CASP5: variants seen among roughly 807,000 people sequenced by gnomAD.
CASP5 encodes caspase-5.
In CASP5, 42 loss-of-function variants were observed where a neutral mutation model predicts 45.2. The ratio of observed to expected loss-of-function variants is 0.93; its 90% CI spans 0.73 to 1.20. The LOEUF is 1.20. Among genes scored for constraint, CASP5 ranks in the 50% most tolerant of loss-of-function variants. CASP5 has a pLI of 0.00. For missense variants in CASP5, 512 were observed against 532.2 expected, an observed-to-expected ratio of 0.96 and a Z score of 0.37; for synonymous variants, 209 against 186.2, an observed-to-expected ratio of 1.12 and a Z score of -1.00.
intron 1 of CASP5, among the ~76,000 whole-genome samples, chr11:105,020,835 G>C (rs1355741007): frequency 6.6e-6 from 1 of 151,982 alleles, no homozygotes; most frequent in African/African-American, 2.4e-5. Flanking sequence ...AACCAAAAAA[G>C]AGCCCGCATT....
rs747142816 is a variant in CASP5 at position 105,008,874 on chromosome 11, G to A, written c.114C>T (p.Asn38=). The A allele has an allele frequency of 1.3e-5, 21 of 1,612,994 alleles. No individual in the cohort carries two copies. The highest frequency in any genetic ancestry group is 1.2e-4 in the Admixed American group (7 of 59,830). Residue 38 remains asparagine, a synonymous_variant, in exon 2 of 10, where the codon AAC becomes AAT. Coordinates refer to ENST00000260315, the MANE Select transcript of CASP5 (RefSeq NM_004347.5). ...NFVINHMLKN[N]VAGQTSIQTL... is the part of the protein sequence containing the mutation. ...TCTGGATAGATGTTTGTCCAGCCACGTTGTTCTTTAGCATGTGGTTTATCA... is the reference window on the plus strand; with the variant it reads ...TCTGGATAGATGTTTGTCCAGCCACATTGTTCTTTAGCATGTGGTTTATCA...
intron 3 of CASP5, 62 bp from the exon 4 acceptor site, chr11:105,003,445 A>C: frequency 1.2e-6 from 1 of 817,242 alleles, no homozygotes; most frequent in East Asian, 2.6e-5. Flanking sequence ...TTATCACCTA[A>C]GAACTTTGAG....
At chr11:105,012,758 A>G (rs528870358) in intron 1 of CASP5, among the ~76,000 whole-genome samples, 1,542 of 149,624 alleles carry the variant, frequency 0.01, 16 homozygotes, top group Admixed American at 0.016. Flanking sequence ...TAAAAAAAAA[A>G]GATAACAAGT....
At position 104,995,775 on chromosome 11, in the gene CASP5, G is replaced by C. The variant is rs763750862; in HGVS notation, c.1274C>G (p.Thr425Arg). The C allele has an allele frequency of 6.2e-7, 1 of 1,611,988 alleles. No homozygotes were observed. The change falls in exon 9 of 10, where the codon ACA becomes AGA. Residue 425 changes from threonine (T) to arginine (R), a missense_variant. Coordinates refer to ENST00000260315, the MANE Select transcript of CASP5 (RefSeq NM_004347.5). ...GCCAGGAAAGAGGTAGAAATCTCTT[G>C]TCAAGGTTGCTCGTTCTATGGTGGG... Reference protein sequence around the residue: ...QMPTIERATLTRDFYLFPGN With the variant: ...QMPTIERATLRRDFYLFPGN
chr11:105,000,439 G>T lies in CASP5; in HGVS notation c.774C>A (p.Asp258Glu), dbSNP rs752460179. 6.2e-7 allele frequency: 1 copy of T among 1,614,150 alleles called. No individual in the cohort carries two copies. Residue 258 changes from aspartate (D) to glutamate (E), a missense_variant, in exon 6 of 10, where the codon GAC (aspartate) becomes GAA (glutamate). By Grantham distance (45) the Asp-to-Glu change is conservative. Transcript: ENST00000260315. ...FAARPEHKSS[D>E]STFLVLMSHG... ...GAGACATGAGTACCAAGAACGTGCT[G>T]TCAGAGGACTTGTGCTCTGGTCTGG...
Position 105,008,884 on chromosome 11 carries a change from A to G in CASP5, c.104T>C (p.Leu35Pro), listed in dbSNP as rs1273561929. Reference sequence around the variant, plus strand: ...TGTTTGTCCAGCCACGTTGTTCTTTAGCATGTGGTTTATCACGAAGTTATC... The same window carrying G: ...TGTTTGTCCAGCCACGTTGTTCTTTGGCATGTGGTTTATCACGAAGTTATC... ...GLDNFVINHM[L>P]KNNVAGQTSI... The change falls in exon 2 of 10, where the codon CTA (leucine) becomes CCA (proline). Residue 35 changes from leucine to proline, a missense_variant. By Grantham distance (98) the Leu-to-Pro change is moderately conservative. Transcript: ENST00000260315. The G allele has an allele frequency of 6.2e-7, 1 of 1,613,114 alleles. No homozygotes were observed. Among genetic ancestry groups the G allele is most frequent in the African/African-American group, 1.3e-5 (1 of 74,874 alleles).
intron 3 of CASP5, among the ~76,000 whole-genome samples, chr11:105,004,446 A>G (rs1022186958): frequency 2.6e-5 from 4 of 152,284 alleles, no homozygotes; most frequent in East Asian, 3.9e-4. Flanking sequence ...CCTTCTGGAA[A>G]AGAAAAAGGA....
At chr11:105,012,904 A>T (rs1397834893) in intron 1 of CASP5, among the ~76,000 whole-genome samples, 3 of 151,994 alleles carry the variant, frequency 2.0e-5, no homozygotes, top group African/African-American at 4.8e-5. Context: ...GTTAAAAATG[A>T]TGTAGCAGCC....
At chr11:105,007,028 A>G in intron 3 of CASP5, 55 bp downstream of exon 3, 3 of 1,441,552 alleles carry the variant, frequency 2.1e-6, no homozygotes, top group African/African-American at 1.4e-5. Flanking sequence ...TGGGCCTTGG[A>G]GTTGAATATA....
intron 1 of CASP5, among the ~76,000 whole-genome samples, chr11:105,009,758 T>TATATATATATATATACAC (rs1555079440): frequency 6.6e-5 from 6 of 90,276 alleles, no homozygotes; most frequent in South Asian, 6.6e-4. Context: ...TATATATATA[T>TATATATATATATATACAC]ACACACACAC....
intron 1 of CASP5, among the ~76,000 whole-genome samples, chr11:105,018,854 T>C (rs1379065405): frequency 1.6e-4 from 23 of 144,792 alleles, no homozygotes; most frequent in East Asian, 7.9e-4. Flanking sequence ...GAATATACAT[T>C]TTTTTCAGCA....
At chr11:104,998,708 G>A (rs1861582708) in intron 7 of CASP5, among the ~76,000 whole-genome samples, 177 bp downstream of exon 7, 1 of 152,114 alleles carries the variant, frequency 6.6e-6, no homozygotes, top group African/African-American at 2.4e-5. Flanking sequence ...TAAAATGTGT[G>A]TGTGGGAGGG....
chr11:105,009,823 A>G, intron 1 of CASP5, among the ~76,000 whole-genome samples: 1 of 96,956 alleles, frequency 1.0e-5, no homozygotes, highest in Non-Finnish European at 1.9e-5. Flanking sequence ...ACATATATAT[A>G]TACACATATA....
At chr11:105,014,608 G>A (rs1263391634) in intron 1 of CASP5, among the ~76,000 whole-genome samples, 1 of 152,012 alleles carries the variant, frequency 6.6e-6, no homozygotes, top group Non-Finnish European at 1.5e-5. Flanking sequence ...TTTAATAAAA[G>A]GTAAGTAAGT....
intron 4 of CASP5, among the ~76,000 whole-genome samples, chr11:105,002,628 T>C (rs1861795566): frequency 6.6e-6 from 1 of 152,232 alleles, no homozygotes; most frequent in Non-Finnish European, 1.5e-5. Context: ...ATTATACTTT[T>C]CAAATATATT....
At chr11:105,002,828 A>G (rs1179115990) in intron 4 of CASP5, among the ~76,000 whole-genome samples, 1 of 152,190 alleles carries the variant, frequency 6.6e-6, no homozygotes, top group Non-Finnish European at 1.5e-5. Flanking sequence ...AAGCCATATG[A>G]ACCCTTGCCT....
intron 3 of CASP5, among the ~76,000 whole-genome samples, chr11:105,006,091 T>G (rs1450732683): frequency 6.6e-6 from 1 of 152,116 alleles, no homozygotes; most frequent in Non-Finnish European, 1.5e-5. Context: ...CAGTTTAAAG[T>G]CTATGGCAAA....
Position 105,012,197 on chromosome 11 carries a change from C to T in CASP5, c.8-3217G>A, listed in dbSNP as rs183205786. Among the ~76,000 whole-genome samples, 16 of 151,712 alleles carry T rather than the reference C, an allele frequency of 1.1e-4. No homozygotes were observed. In the East Asian group the frequency reaches 2.5e-3, roughly 24 times the overall value. ...GACAATAGGCTAAGGACACTTTCTT[C>T]GATAAATGATGTTGGGAAAATTAAA... On this transcript the variant is annotated intron_variant, in intron 1 of 9. Coordinates refer to ENST00000260315, the MANE Select transcript of CASP5 (RefSeq NM_004347.5).
At chr11:105,006,416 T>C (rs1479302992) in intron 3 of CASP5, among the ~76,000 whole-genome samples, 1 of 152,204 alleles carries the variant, frequency 6.6e-6, no homozygotes, top group Non-Finnish European at 1.5e-5. Flanking sequence ...AAGAAACCAG[T>C]TACATTCTGG....
Sources: gnomAD v4.1 joint callset for allele counts (sites outside exome capture counted in the v4.1 genomes callset) on GRCh38, gnomAD v4.1.1 for gene constraint, MANE v1.5 for transcripts, NCBI Gene and HGNC (gene_info 2026-07-23, HGNC 2026-07-21) for gene names.